Variants in ROBO2 observed in about 807,000 individuals in gnomAD.
The protein encoded by ROBO2 is roundabout homolog 2.
Under a neutral mutation model 160.8 loss-of-function variants are expected in ROBO2, and 53 were observed. The observed-to-expected ratio is 0.33, with a 90% CI of 0.26 to 0.41. ROBO2 has a LOEUF of 0.41. Among genes scored for constraint, ROBO2 ranks in the 10% least tolerant of loss-of-function variants. ROBO2 has a pLI of 1.00. For missense variants in ROBO2, 1,577 were observed against 1,722.4 expected (o/e 0.92, Z 1.49); for synonymous variants, 664 against 611.7 (o/e 1.09, Z -1.26).
chr3:76,037,167 G>T (rs1412914365), intron 2 of ROBO2, among the ~76,000 whole-genome samples: 2 of 151,596 alleles, frequency 1.3e-5, no homozygotes, highest in African/African-American at 4.9e-5. Context: ...TTACTCATCT[G>T]CATCATCCTG....
Position 76,937,576 on chromosome 3 carries a change from A to G in ROBO2, c.110-160438A>G, listed in dbSNP as rs546378950. Among the ~76,000 whole-genome samples the G allele has an allele frequency of 4.1e-5, 6 of 146,200 alleles. No individual in the cohort carries two copies. In the East Asian group the frequency reaches 7.7e-4, roughly 19 times the overall value. On this transcript the variant is annotated intron_variant, in intron 2 of 26. Transcript: ENST00000487694. ...TAAAGAAAAGCCAATAAAATAAAAT[A>G]GTAATCTATAATCACATCTGCCAAA...
chr3:77,643,091 A>G, intron 24 of ROBO2, 148 bp downstream of exon 26: 1 of 374,582 alleles, frequency 2.7e-6, no homozygotes, highest in South Asian at 2.0e-5. Context: ...AGATTTTACC[A>G]GTACATGCCT....
intron 2 of ROBO2, among the ~76,000 whole-genome samples, chr3:76,503,853 A>T (rs2080618322): frequency 6.6e-6 from 1 of 152,204 alleles, no homozygotes; most frequent in African/African-American, 2.4e-5. Context: ...TAGGTAGGAG[A>T]AACACAGCCA....
intron 2 of ROBO2, among the ~76,000 whole-genome samples, chr3:76,723,551 A>G (rs117241407): frequency 6.6e-6 from 1 of 152,010 alleles, no homozygotes; most frequent in Non-Finnish European, 1.5e-5. Context: ...CCAGCCTCCT[A>G]TTATAAGTCT....
chr3:77,535,210 C>CTT (rs59166969), intron 6 of ROBO2, among the ~76,000 whole-genome samples: 1 of 143,502 alleles, frequency 7.0e-6, no homozygotes, highest in Non-Finnish European at 1.5e-5. Flanking sequence ...TTTTCTTTTT[C>CTT]TTTTTTTTTT....
intron 2 of ROBO2, among the ~76,000 whole-genome samples, chr3:76,993,638 G>A (rs1302523368): frequency 6.6e-6 from 1 of 151,996 alleles, no homozygotes; most frequent in Non-Finnish European, 1.5e-5. Context: ...CCATCCTAAC[G>A]GCTCTACTCA....
At chr3:77,155,052 A>AAAATAAATAAAT (rs752547824) in intron 2 of ROBO2, among the ~76,000 whole-genome samples, 4 of 151,430 alleles carry the variant, frequency 2.6e-5, no homozygotes, top group East Asian at 1.9e-4. Context: ...TAAATTTGGG[A>AAAATAAATAAAT]AAATAAATAA....
intron 2 of ROBO2, among the ~76,000 whole-genome samples, chr3:76,125,051 C>T (rs909104957): frequency 1.3e-5 from 2 of 152,042 alleles, no homozygotes; most frequent in African/African-American, 4.8e-5. Flanking sequence ...TTTATATTCA[C>T]GTGTGTTCAG....
chr3:77,329,245 TG>T lies in ROBO2; in HGVS notation c.389-148166del, dbSNP rs373467236. The stretch of plus-strand genomic sequence containing the variant: ...TTTAAGAAAAAGAGGAATGAAGCAA[TG>T]GGCAAAACCAGCTGTAAGATCTTCT... On this transcript the variant is annotated intron_variant, in intron 2 of 25. Transcript: ENST00000461745. 7.5e-3 allele frequency among the ~76,000 whole-genome samples: 1,135 copies of T among 152,338 alleles called. 8 individuals are homozygous for T. The highest frequency in any genetic ancestry group is 0.014 in the Middle Eastern group (4 of 294).
At chr3:76,994,059 G>A (rs182893238) in intron 2 of ROBO2, among the ~76,000 whole-genome samples, 2 of 148,140 alleles carry the variant, frequency 1.4e-5, no homozygotes, top group Non-Finnish European at 3.0e-5. Context: ...CCGTAATTTG[G>A]TGAGAAAAAA....
At chr3:77,642,941 C>T (rs939233921) in intron 24 of ROBO2, 15 of 456,370 alleles carry the variant, frequency 3.3e-5, no homozygotes, top group African/African-American at 3.0e-4. Context: ...GGTGTCGGAT[C>T]AGGTGTGTTC....
intron 2 of ROBO2, among the ~76,000 whole-genome samples, chr3:76,300,625 C>CAT (rs34790792): frequency 0.067 from 10,129 of 151,150 alleles, 408 homozygotes; most frequent in African/African-American, 0.12. Context: ...TGCACATATG[C>CAT]ATATATATAT....
chr3:77,113,445 T>C (rs1044885582), intron 2 of ROBO2, among the ~76,000 whole-genome samples: 1 of 152,240 alleles, frequency 6.6e-6, no homozygotes, highest in Non-Finnish European at 1.5e-5. Context: ...GATAAGCTGA[T>C]GGAGTCTAAT....
At chr3:76,736,012 G>A (rs914571867) in intron 2 of ROBO2, among the ~76,000 whole-genome samples, 7 of 151,716 alleles carry the variant, frequency 4.6e-5, no homozygotes, top group South Asian at 2.1e-4. Flanking sequence ...GGCCGGGCGC[G>A]GTGGCTCACA....
intron 2 of ROBO2, among the ~76,000 whole-genome samples, chr3:76,205,224 G>T (rs1408747578): frequency 1.3e-5 from 2 of 152,130 alleles, no homozygotes; most frequent in Non-Finnish European, 2.9e-5. Context: ...ACAATTCCCA[G>T]CTCTGCTGTT....
chr3:77,403,024 C>T (rs1286556611), intron 2 of ROBO2, among the ~76,000 whole-genome samples: 3 of 152,146 alleles, frequency 2.0e-5, no homozygotes, highest in Non-Finnish European at 2.9e-5. Context: ...CAGACCCGTA[C>T]AGATACATTC....
intron 2 of ROBO2, among the ~76,000 whole-genome samples, chr3:76,053,056 A>G (rs1576647127): frequency 6.6e-6 from 1 of 152,026 alleles, no homozygotes; most frequent in Non-Finnish European, 1.5e-5. Context: ...TAATACAGAG[A>G]TATTTTATTG....
intron 2 of ROBO2, among the ~76,000 whole-genome samples, chr3:76,844,436 C>T (rs2068589810): frequency 6.6e-6 from 1 of 151,882 alleles, no homozygotes. Context: ...TGGTTTCTCA[C>T]TTCAAGGCTG....
chr3:76,517,241 C>T (rs1560077994), intron 2 of ROBO2, among the ~76,000 whole-genome samples: 1 of 152,062 alleles, frequency 6.6e-6, no homozygotes. Flanking sequence ...AGTGCATCTG[C>T]CCATTGAATG....
Sources: gnomAD v4.1 joint callset for allele counts (sites outside exome capture counted in the v4.1 genomes callset) on GRCh38, gnomAD v4.1.1 for gene constraint, MANE v1.5 for transcripts, NCBI Gene and HGNC (gene_info 2026-07-23, HGNC 2026-07-21) for gene names.